The following UNKL variants were observed in gnomAD, a reference collection of about 807,000 sequenced individuals.
UNKL encodes putative E3 ubiquitin-protein ligase UNKL.
A neutral mutation model predicts 78.0 loss-of-function variants in UNKL; 60 were observed. The observed-to-expected ratio is 0.77, with a 90% CI of 0.63 to 0.95. The LOEUF (loss-of-function observed/expected upper bound fraction) is 0.95. Among genes scored for constraint, UNKL ranks in the 40% least tolerant of loss-of-function variants. The probability of loss-of-function intolerance (pLI) is 0.00; values close to 1 mark genes in which losing one functional copy is unlikely to be tolerated. For synonymous variants in UNKL, 608 were observed against 474.8 expected, an observed-to-expected ratio of 1.28 and a Z score of -3.65; for missense variants, 1,159 against 1,045.7, an observed-to-expected ratio of 1.11 and a Z score of -1.49.
intron 10 of UNKL, among the ~76,000 whole-genome samples, chr16:1,383,194 G>A (rs575054704): frequency 1.4e-5 from 2 of 147,924 alleles, no homozygotes; most frequent in Non-Finnish European, 3.0e-5. Flanking sequence ...TTGGCGTGAA[G>A]TCGGGAGGCA....
intron 10 of UNKL, among the ~76,000 whole-genome samples, chr16:1,384,779 A>T (rs1294794156): frequency 6.6e-6 from 1 of 152,112 alleles, no homozygotes; most frequent in Non-Finnish European, 1.5e-5. Flanking sequence ...TTTTATTTTT[A>T]GTAGAGTCGG....
At chr16:1,394,250 G>A (rs1237392924) in intron 6 of UNKL, 35 bp from the exon 7 acceptor site, 3 of 1,547,300 alleles carry the variant, frequency 1.9e-6, no homozygotes, top group Non-Finnish European at 2.6e-6. Context: ...GGTTGGATTG[G>A]AAATGGGATT....
intron 10 of UNKL, among the ~76,000 whole-genome samples, chr16:1,374,925 G>C (rs1047364041): frequency 6.6e-6 from 1 of 152,226 alleles, no homozygotes; most frequent in Non-Finnish European, 1.5e-5. Flanking sequence ...TTCTGAAGAA[G>C]AACGCTGCCC....
At chr16:1,367,886 C>A in intron 12 of UNKL, 28 bp from the exon 13 acceptor site, 1 of 1,533,810 alleles carries the variant, frequency 6.5e-7, no homozygotes, top group Non-Finnish European at 8.8e-7. Context: ...GATGACGGCC[C>A]AGCCCTGCTG....
chr16:1,394,811 G>A (rs1398479501), intron 6 of UNKL, among the ~76,000 whole-genome samples: 1 of 152,192 alleles, frequency 6.6e-6, no homozygotes, highest in Non-Finnish European at 1.5e-5. Context: ...CCTGACCTCC[G>A]GCCTGGCCCC....
At chr16:1,413,662 G>T (rs947681586) in intron 2 of UNKL, among the ~76,000 whole-genome samples, 184 bp downstream of exon 2, 1 of 152,228 alleles carries the variant, frequency 6.6e-6, no homozygotes, top group Non-Finnish European at 1.5e-5. Flanking sequence ...TCGGGAACTG[G>T]CCTGAGAATA....
intron 2 of UNKL, among the ~76,000 whole-genome samples, chr16:1,406,367 C>T (rs2037763118): frequency 1.3e-5 from 2 of 152,156 alleles, no homozygotes; most frequent in South Asian, 4.1e-4. Context: ...CACCTGCCAC[C>T]ATGCCTGGCT....
Position 1,366,049 on chromosome 16 carries a change from C to G in UNKL, c.*191G>C, listed in dbSNP as rs1232716905. 5.0e-6 allele frequency: 3 copies of G among 596,486 alleles called. No homozygotes were observed. The highest frequency in any genetic ancestry group is 8.1e-6 in the Non-Finnish European group (3 of 369,416). 36.9% of individuals were successfully genotyped at this position (596,486 alleles called of 1,614,324 possible). A position where few individuals can be genotyped will look rare whatever the true frequency, so the allele number is the denominator to read the frequency against. ...ACCGTCGGTAGGACTAGATAGGTGA[C>G]AACGTGTGACAGGAAAGGCTGTCAG... is the stretch of plus-strand genomic sequence containing the variant. On this transcript the variant is annotated 3_prime_UTR_variant, in exon 15 of 15. Coordinates refer to ENST00000389221, the MANE Select transcript of UNKL (RefSeq NM_001372107.1).
intron 12 of UNKL, 128 bp downstream of exon 12, chr16:1,370,002 G>A (rs763686952): frequency 2.5e-5 from 39 of 1,551,210 alleles, no homozygotes; most frequent in Admixed American, 2.4e-4. Flanking sequence ...TGAGCAGCAG[G>A]TCATGTGGTT....
intron 2 of UNKL, among the ~76,000 whole-genome samples, chr16:1,410,748 C>G (rs549669649): frequency 2.6e-4 from 40 of 152,290 alleles, no homozygotes; most frequent in African/African-American, 8.7e-4. Context: ...AGGGGCTTGA[C>G]CAAGGGAAAT....
chr16:1,409,405 G>A (rs892941641), intron 2 of UNKL, among the ~76,000 whole-genome samples: 2 of 23,118 alleles, frequency 8.7e-5, no homozygotes, highest in Non-Finnish European at 6.8e-5. Context: ...GATAATTATG[G>A]AGGAGAGATC....
At chr16:1,383,589 G>GTC in intron 10 of UNKL, 2 of 368,890 alleles carry the variant, frequency 5.4e-6, no homozygotes, top group Non-Finnish European at 1.1e-5. Flanking sequence ...GCTGGGAAGA[G>GTC]TCTCTCTCTC....
intron 2 of UNKL, among the ~76,000 whole-genome samples, chr16:1,404,797 G>A (rs1333658095): frequency 6.6e-6 from 1 of 152,174 alleles, no homozygotes; most frequent in Non-Finnish European, 1.5e-5. Context: ...CCACGTGACG[G>A]GGTACACGCA....
rs1006776329 is a variant in UNKL, at chr16:1,376,136, C to A, written c.1265-4525G>T. 4.1e-5 allele frequency among the ~76,000 whole-genome samples: 6 copies of A among 146,344 alleles called. No individual in the cohort carries two copies. In the East Asian group the frequency reaches 8.2e-4, roughly 20 times the overall value. The stretch of plus-strand genomic sequence containing the variant: ...AGGCTGGGGCACGCTCCTCCCTCCT[C>A]CCTCCAGGGCTGGGGCGCTCCTCCT... On this transcript the variant is annotated intron_variant, in intron 10 of 14. Transcript: ENST00000389221.
At position 1,413,839 on chromosome 16, in the gene UNKL, C is replaced by T. The variant is rs751850672; in HGVS notation, c.287+7G>A. On this transcript the variant is annotated splice_region_variant and intron_variant, in intron 2 of 14. Transcript: ENST00000389221. ...CCAGGCAGCGGCGCCCCCTCGCGGC[C>T]GCTTACTCGTCGCCGTCGGGGCACA... The T allele has an allele frequency of 6.6e-4, 996 of 1,518,062 alleles. 2 individuals carry two copies. Among genetic ancestry groups the T allele is most frequent in the Non-Finnish European group, 8.2e-4 (920 of 1,125,756 alleles). 94.0% of individuals were successfully genotyped at this position (1,518,062 alleles called of 1,614,324 possible).
intron 9 of UNKL, among the ~76,000 whole-genome samples, chr16:1,390,203 G>A (rs191087860): frequency 1.7e-3 from 253 of 152,228 alleles, no homozygotes; most frequent in African/African-American, 5.3e-3. Context: ...GGCCAGGCTG[G>A]TCCCGGACTC....
chr16:1,385,382 G>A lies in UNKL; in HGVS notation c.1090C>T (p.His364Tyr). ...TGGACCGCTGCAAACACGGCCAGGT[G>A]GTTCTGTTCAAAGACATAAACACCG... ...RGSEQDSKQN[H>Y]LAVFAAVHPP... Residue 364 changes from histidine (H) to tyrosine (Y), a missense_variant, in exon 10 of 15, where the codon CAC (histidine) becomes TAC (tyrosine). Physicochemically the swap from His to Tyr is moderately conservative, Grantham distance 83. Transcript: ENST00000389221. 7.2e-7 allele frequency: 1 copy of A among 1,387,276 alleles called. No homozygotes were observed. The highest frequency in any genetic ancestry group is 1.5e-5 in the African/African-American group (1 of 66,172). The allele number at this position is 1,387,276 out of a possible 1,614,324, so 85.9% of individuals were successfully genotyped here. A position where few individuals can be genotyped will look rare whatever the true frequency, so the allele number is the denominator to read the frequency against.
chr16:1,400,851 C>T (rs756630029), intron 4 of UNKL, among the ~76,000 whole-genome samples: 12 of 152,220 alleles, frequency 7.9e-5, no homozygotes, highest in Non-Finnish European at 1.5e-4. Context: ...CCACAACCGG[C>T]TAATTTTTTG....
rs979539506 is a variant in UNKL, at chr16:1,387,766, G to T, written c.1087-2381C>A. ...CCTCCGGGGACGTGGACACTGCACCGCCGCACGGCTGCCCGGCCTGCGGAA... is the reference window on the plus strand; with the variant it reads ...CCTCCGGGGACGTGGACACTGCACCTCCGCACGGCTGCCCGGCCTGCGGAA... On this transcript the variant is annotated intron_variant, in intron 9 of 14. Transcript: ENST00000389221. The surrounding 1 kb of genome is among the most constrained non-coding windows in gnomAD (Gnocchi z 4.1). Among the ~76,000 whole-genome samples the T allele has an allele frequency of 4.6e-5, 7 of 151,732 alleles. No individual in the cohort carries two copies. Among genetic ancestry groups the T allele is most frequent in the African/African-American group, 1.7e-4 (7 of 41,298 alleles).
Sources: allele counts gnomAD v4.1 joint callset (sites outside exome capture counted in the v4.1 genomes callset), GRCh38; gene constraint gnomAD v4.1.1; non-coding constraint Gnocchi (gnomAD v3.1); transcripts MANE v1.5; gene names NCBI Gene and HGNC (gene_info 2026-07-23, HGNC 2026-07-21).